The following PCSK2 variants were observed in gnomAD, a reference collection of about 807,000 sequenced individuals.
PCSK2 encodes the protein proprotein convertase subtilisin/kexin type 2, also known as neuroendocrine convertase 2.
In PCSK2, 14 loss-of-function variants were observed where a neutral mutation model predicts 69.7. That is an observed-to-expected ratio of 0.20 (90% confidence interval 0.13 to 0.31). The LOEUF (loss-of-function observed/expected upper bound fraction) is 0.31. Ranked by LOEUF, PCSK2 falls within the 10% of genes least tolerant of loss-of-function variation. The pLI, the probability that PCSK2 is intolerant of heterozygous loss-of-function variation, is 1.00. For synonymous variants in PCSK2, 307 were observed against 320.7 expected (o/e 0.96, Z 0.46); for missense variants, 544 against 842.5 (o/e 0.65, Z 4.39).
chr20:17,328,618 ATG>A (rs1219301551), intron 2 of PCSK2, among the ~76,000 whole-genome samples: 2 of 152,106 alleles, frequency 1.3e-5, no homozygotes, highest in Non-Finnish European at 2.9e-5. Context: ...AAAGGGTGCT[ATG>A]TATGGTAAAC....
At chr20:17,431,637 A>C (rs1377741793) in intron 7 of PCSK2, among the ~76,000 whole-genome samples, 1 of 152,092 alleles carries the variant, frequency 6.6e-6, no homozygotes, top group Non-Finnish European at 1.5e-5. Flanking sequence ...GTGACCACGT[A>C]CGCTGGTTCT....
At chr20:17,439,156 G>A (rs2032547619) in intron 8 of PCSK2, among the ~76,000 whole-genome samples, 1 of 150,972 alleles carries the variant, frequency 6.6e-6, no homozygotes, top group South Asian at 2.1e-4. Context: ...TTTCTTTTGA[G>A]ATAGGGTCTC....
chr20:17,237,985 T>C (rs1247405609), intron 1 of PCSK2, among the ~76,000 whole-genome samples: 2 of 152,218 alleles, frequency 1.3e-5, no homozygotes, highest in Non-Finnish European at 2.9e-5. Flanking sequence ...CAGCATTTTG[T>C]CCTGGCATAT....
At chr20:17,444,690 T>C (rs1046535259) in intron 8 of PCSK2, among the ~76,000 whole-genome samples, 3 of 152,074 alleles carry the variant, frequency 2.0e-5, no homozygotes, top group African/African-American at 7.2e-5. Flanking sequence ...GAATGGGAGG[T>C]GTGGCAGGAA....
At chr20:17,313,140 C>A (rs1027554476) in intron 2 of PCSK2, among the ~76,000 whole-genome samples, 4 of 152,118 alleles carry the variant, frequency 2.6e-5, no homozygotes, top group African/African-American at 9.7e-5. Flanking sequence ...CAAAATATTA[C>A]CATTTCAACA....
chr20:17,266,730 C>G (rs1281995192), intron 2 of PCSK2, among the ~76,000 whole-genome samples: 1 of 152,142 alleles, frequency 6.6e-6, no homozygotes, highest in Non-Finnish European at 1.5e-5. Flanking sequence ...TTACAGGAAA[C>G]TCAGAAACAG....
chr20:17,375,572 G>A (rs2030900419), intron 5 of PCSK2, among the ~76,000 whole-genome samples: 3 of 152,264 alleles, frequency 2.0e-5, no homozygotes, highest in Middle Eastern at 6.8e-3. Context: ...GGTGGGCAAA[G>A]GGATTATAAG....
At chr20:17,443,814 G>A (rs1253272328) in intron 8 of PCSK2, among the ~76,000 whole-genome samples, 2 of 152,208 alleles carry the variant, frequency 1.3e-5, no homozygotes, top group Admixed American at 6.5e-5. Context: ...AAAGCATGCC[G>A]AGCCCGCTGA....
intron 8 of PCSK2, among the ~76,000 whole-genome samples, chr20:17,440,862 C>CAAA (rs3076117): frequency 8.1e-6 from 1 of 122,870 alleles, no homozygotes. Context: ...AACTCTATCT[C>CAAA]AAAAAAAAAA....
intron 2 of PCSK2, among the ~76,000 whole-genome samples, chr20:17,356,202 G>A (rs1227837973): frequency 2.0e-5 from 3 of 151,808 alleles, no homozygotes; most frequent in Non-Finnish European, 4.4e-5. Flanking sequence ...CATTTGATGG[G>A]CACTAGTTAG....
At chr20:17,382,624 G>GTTC (rs2031119461) in intron 5 of PCSK2, among the ~76,000 whole-genome samples, 2 of 151,982 alleles carry the variant, frequency 1.3e-5, no homozygotes, top group East Asian at 3.9e-4. Context: ...TCCCACCACT[G>GTTC]GCATCCTGGA....
chr20:17,384,070 A>G (rs1002717646), intron 5 of PCSK2, among the ~76,000 whole-genome samples: 5 of 152,176 alleles, frequency 3.3e-5, no homozygotes, highest in Admixed American at 3.3e-4. Context: ...TCTCATTTTG[A>G]TATTTGGGGA....
chr20:17,346,243 G>A (rs368156655), intron 2 of PCSK2, among the ~76,000 whole-genome samples: 24 of 152,266 alleles, frequency 1.6e-4, no homozygotes, highest in African/African-American at 5.3e-4. Context: ...TCCTAGCCAG[G>A]TGCCATGAGC....
intron 7 of PCSK2, among the ~76,000 whole-genome samples, chr20:17,430,175 G>A (rs1234187918): frequency 2.6e-5 from 4 of 152,008 alleles, no homozygotes; most frequent in African/African-American, 9.7e-5. Flanking sequence ...AGAGTGGCAA[G>A]TCACTGGAAA....
chr20:17,405,654 T>A (rs961890729), intron 5 of PCSK2, among the ~76,000 whole-genome samples: 1 of 152,224 alleles, frequency 6.6e-6, no homozygotes, highest in Non-Finnish European at 1.5e-5. Context: ...AAGTACACAC[T>A]GCAAACAATG....
intron 6 of PCSK2, among the ~76,000 whole-genome samples, chr20:17,414,743 T>C (rs1162188412): frequency 2.0e-5 from 3 of 152,148 alleles, no homozygotes; most frequent in Non-Finnish European, 4.4e-5. Context: ...AAAAGAGAAT[T>C]TTAGACCAAT....
chr20:17,301,083 G>A (rs1382888655), intron 2 of PCSK2, among the ~76,000 whole-genome samples: 1 of 152,206 alleles, frequency 6.6e-6, no homozygotes, highest in Admixed American at 6.5e-5. Context: ...TTGTTAAAAA[G>A]CCTTCTAAAA....
chr20:17,309,827 AGAAGAAGAAGAAGAGGAAGAG>A (rs1989445289), intron 2 of PCSK2, among the ~76,000 whole-genome samples: 1 of 149,592 alleles, frequency 6.7e-6, no homozygotes, highest in Non-Finnish European at 1.5e-5. Flanking sequence ...AAAGGAGAGA[AGAAGAAGAAGAAGAGGAAGAG>A]GAAGAAGAAG....
chr20:17,371,787 T>C (rs1431660370), intron 5 of PCSK2, among the ~76,000 whole-genome samples: 3 of 152,120 alleles, frequency 2.0e-5, no homozygotes, highest in East Asian at 3.9e-4. Context: ...CATTAGCTCA[T>C]GCTATAATTT....
Sources: allele counts gnomAD v4.1 joint callset (sites outside exome capture counted in the v4.1 genomes callset), GRCh38; gene constraint gnomAD v4.1.1; transcripts MANE v1.5; gene names NCBI Gene and HGNC (gene_info 2026-07-23, HGNC 2026-07-21).